CEP63: variants seen among roughly 807,000 people sequenced by gnomAD.
The protein encoded by CEP63 is centrosomal protein 63.
A neutral mutation model predicts 89.1 loss-of-function variants in CEP63; 84 were observed. The ratio of observed to expected loss-of-function variants is 0.94; its 90% CI spans 0.79 to 1.13. The LOEUF is 1.13. Among genes scored for constraint, CEP63 ranks in the 50% most tolerant of loss-of-function variants. CEP63 has a pLI of 0.00. For missense variants in CEP63, 838 were observed against 813.3 expected, an observed-to-expected ratio of 1.03 and a Z score of -0.37; for synonymous variants, 267 against 272.5, an observed-to-expected ratio of 0.98 and a Z score of 0.20.
At chr3:134,761,419 C>G in the CEP63 span, among the ~76,000 whole-genome samples, 1 of 152,212 alleles carries the variant, frequency 6.6e-6, no homozygotes, top group East Asian at 1.9e-4. Flanking sequence ...CGTGGAGCCC[C>G]GGACACCGCC....
chr3:134,520,761 G>A (rs1290147072), intron 3 of CEP63, among the ~76,000 whole-genome samples: 1 of 152,168 alleles, frequency 6.6e-6, no homozygotes, highest in Non-Finnish European at 1.5e-5. Context: ...ATGACAAGAT[G>A]ACACTGCAAG....
intron 10 of CEP63, among the ~76,000 whole-genome samples, chr3:134,549,749 A>C (rs770642716): frequency 6.6e-6 from 1 of 152,118 alleles, no homozygotes; most frequent in Non-Finnish European, 1.5e-5. Flanking sequence ...TTTTAGATTC[A>C]CAACTAAAAA....
intron 11 of CEP63, 68 bp downstream of exon 11, chr3:134,550,328 A>C (rs1440201768): frequency 1.0e-5 from 14 of 1,381,326 alleles, no homozygotes; most frequent in Non-Finnish European, 1.4e-5. Context: ...TTAAAGACAT[A>C]ATTTTCATAA....
At chr3:134,691,231 G>C in the CEP63 span, among the ~76,000 whole-genome samples, 1 of 151,752 alleles carries the variant, frequency 6.6e-6, no homozygotes, top group African/African-American at 2.4e-5. Context: ...CGTGCTGTAT[G>C]CCTGTAGTCC....
At chr3:134,544,590 T>C (rs1205014313) in intron 6 of CEP63, among the ~76,000 whole-genome samples, 1 of 145,804 alleles carries the variant, frequency 6.9e-6, no homozygotes, top group Non-Finnish European at 1.5e-5. Context: ...AATCTAAATA[T>C]GAATGTTTAT....
the CEP63 span, among the ~76,000 whole-genome samples, chr3:134,687,710 A>G: frequency 1.3e-5 from 2 of 152,250 alleles, no homozygotes; most frequent in East Asian, 3.8e-4. Flanking sequence ...GGTAATCTAC[A>G]GACTCCACAG....
intron 12 of CEP63, 122 bp downstream of exon 12, chr3:134,552,134 A>G (rs1287936273): frequency 1.7e-6 from 1 of 587,526 alleles, no homozygotes; most frequent in Non-Finnish European, 3.0e-6. Context: ...AAATTTTCTC[A>G]AAGAAAATGA....
chr3:134,555,582 C>G (rs369394354), intron 12 of CEP63, among the ~76,000 whole-genome samples: 1 of 151,950 alleles, frequency 6.6e-6, no homozygotes, highest in Non-Finnish European at 1.5e-5. Context: ...TGAAGGACCT[C>G]TTCAAGGAGA....
chr3:134,604,212 G>GGGCT, the CEP63 span: 5 of 1,612,834 alleles, frequency 3.1e-6, no homozygotes, highest in Non-Finnish European at 8.5e-7. Flanking sequence ...TGGGGCCCAC[G>GGGCT]GGCTGGTGAA....
the CEP63 span, among the ~76,000 whole-genome samples, chr3:134,724,896 T>G: frequency 6.6e-6 from 1 of 152,164 alleles, no homozygotes; most frequent in Non-Finnish European, 1.5e-5. Context: ...AATCCCTAAA[T>G]GCACATGATG....
At chr3:134,574,284 C>T (rs1366518027) in intron 11 of CEP63, among the ~76,000 whole-genome samples, 1 of 152,166 alleles carries the variant, frequency 6.6e-6, no homozygotes, top group African/African-American at 2.4e-5. Flanking sequence ...AGACAGAGCT[C>T]AGGTGGGCAC....
rs891288459 is a variant in CEP63, at chr3:134,564,916, T to G, written c.*3381T>G. 1.0e-6 allele frequency: 1 copy of G among 983,406 alleles called. No homozygotes were observed. Among genetic ancestry groups the G allele is most frequent in the African/African-American group, 1.7e-5 (1 of 57,354 alleles). The allele number at this position is 983,406 out of a possible 1,614,324, so 60.9% of individuals were successfully genotyped here. ...ATTATACTGTTTTTTAAAGCTGAAG[T>G]ATCTAATAGTTAATGGGTTGTCCAA... On this transcript the variant is annotated 3_prime_UTR_variant, in exon 15 of 15. Coordinates refer to ENST00000675561, the MANE Select transcript of CEP63 (RefSeq NM_001353108.3).
chr3:134,496,078 G>A (rs1939811812), intron 2 of CEP63, among the ~76,000 whole-genome samples: 1 of 152,160 alleles, frequency 6.6e-6, no homozygotes, highest in African/African-American at 2.4e-5. Context: ...CCTTTCCTTT[G>A]GATAGATTAC....
At chr3:134,646,392 C>T in the CEP63 span, among the ~76,000 whole-genome samples, 1 of 152,126 alleles carries the variant, frequency 6.6e-6, no homozygotes, top group Non-Finnish European at 1.5e-5. Context: ...GAAGACTCTT[C>T]AACTCCAGGG....
chr3:134,666,046 T>C, the CEP63 span, among the ~76,000 whole-genome samples: 3 of 150,058 alleles, frequency 2.0e-5, no homozygotes, highest in Non-Finnish European at 4.4e-5. Flanking sequence ...CAGGGAGAGA[T>C]GAGAGAGAGA....
the CEP63 span, among the ~76,000 whole-genome samples, chr3:134,704,926 G>GATTCTCTT: frequency 9.8e-5 from 15 of 152,320 alleles, no homozygotes; most frequent in Non-Finnish European, 1.9e-4. Flanking sequence ...GAATCAGCTT[G>GATTCTCTT]ATTCTCTTCT....
the CEP63 span, among the ~76,000 whole-genome samples, chr3:134,732,897 G>C: frequency 2.6e-5 from 4 of 152,166 alleles, no homozygotes; most frequent in Non-Finnish European, 4.4e-5. Context: ...CAGAAAAGGA[G>C]AGACTCCTAA....
intron 2 of CEP63, among the ~76,000 whole-genome samples, chr3:134,505,235 C>G (rs1310514274): frequency 6.6e-6 from 1 of 151,926 alleles, no homozygotes; most frequent in Non-Finnish European, 1.5e-5. Flanking sequence ...ATAATAGTCA[C>G]TTCTTCCAAT....
intron 11 of CEP63, among the ~76,000 whole-genome samples, chr3:134,573,939 G>A (rs1560074945): frequency 6.6e-6 from 1 of 152,142 alleles, no homozygotes; most frequent in African/African-American, 2.4e-5. Flanking sequence ...CAGCATTTAG[G>A]GCAAGCCTGG....
Sources: allele counts gnomAD v4.1 joint callset (sites outside exome capture counted in the v4.1 genomes callset), GRCh38; gene constraint gnomAD v4.1.1; transcripts MANE v1.5; gene names NCBI Gene and HGNC (gene_info 2026-07-23, HGNC 2026-07-21).